The following CCDC178 variants were observed in gnomAD, a reference collection of about 807,000 sequenced individuals.
CCDC178 encodes the protein coiled-coil domain containing 178.
A neutral mutation model predicts 117.4 loss-of-function variants in CCDC178; 126 were observed. The observed-to-expected ratio is 1.07, with a 90% CI of 0.93 to 1.24. The LOEUF is 1.24. Among genes scored for constraint, CCDC178 ranks in the 50% most tolerant of loss-of-function variants. The pLI, the probability that CCDC178 is intolerant of heterozygous loss-of-function variation, is 0.00. For missense variants in CCDC178, 1,030 were observed against 986.9 expected, an observed-to-expected ratio of 1.04 and a Z score of -0.59; for synonymous variants, 283 against 313.4, an observed-to-expected ratio of 0.90 and a Z score of 1.02.
intron 21 of CCDC178, among the ~76,000 whole-genome samples, chr18:33,091,324 CTTTTTTTTTTTTTTTTT>C (rs746505005): frequency 2.3e-5 from 1 of 43,900 alleles, no homozygotes; most frequent in African/African-American, 8.0e-5. Context: ...TTATTTCATT[CTTTTTTTTTTTTTTTTT>C]TTTTTTTTTT....
chr18:33,384,505 C>T (rs779330483), intron 5 of CCDC178, among the ~76,000 whole-genome samples: 26 of 152,104 alleles, frequency 1.7e-4, no homozygotes, highest in South Asian at 4.2e-4. Flanking sequence ...TCAGACTAAC[C>T]GCGTACCTCT....
chr18:33,293,100 T>A (rs2062056907), intron 12 of CCDC178, 59 bp downstream of exon 12: 1 of 1,197,938 alleles, frequency 8.3e-7, no homozygotes. Flanking sequence ...CAAAAAAGTT[T>A]ACTATTTATA....
chr18:32,960,978 CT>C (rs2054693039), intron 22 of CCDC178, among the ~76,000 whole-genome samples: 1 of 151,942 alleles, frequency 6.6e-6, no homozygotes, highest in African/African-American at 2.4e-5. Context: ...AATCATTTTA[CT>C]TTTATTAATA....
intron 21 of CCDC178, among the ~76,000 whole-genome samples, chr18:32,987,151 AT>A (rs1384753052): frequency 1.3e-5 from 2 of 151,986 alleles, no homozygotes; most frequent in African/African-American, 4.8e-5. Flanking sequence ...GAGGTAAAAA[AT>A]ATAATTGATT....
intron 2 of CCDC178, among the ~76,000 whole-genome samples, chr18:33,439,270 G>A (rs1344263864): frequency 6.6e-6 from 1 of 152,160 alleles, no homozygotes; most frequent in African/African-American, 2.4e-5. Flanking sequence ...TATAGAACAG[G>A]AAGAAAAATT....
At chr18:33,209,055 A>G (rs2059078316) in intron 20 of CCDC178, among the ~76,000 whole-genome samples, 1 of 152,084 alleles carries the variant, frequency 6.6e-6, no homozygotes, top group African/African-American at 2.4e-5. Context: ...ATTATATCAT[A>G]TATAACCTAC....
At chr18:33,186,669 G>T (rs2058798207) in intron 20 of CCDC178, among the ~76,000 whole-genome samples, 1 of 151,892 alleles carries the variant, frequency 6.6e-6, no homozygotes, top group Admixed American at 6.6e-5. Context: ...GCGCATCCTC[G>T]TGAATCTACC....
intron 15 of CCDC178, among the ~76,000 whole-genome samples, chr18:33,234,513 T>A (rs1383821613): frequency 1.3e-5 from 2 of 152,120 alleles, no homozygotes; most frequent in Non-Finnish European, 2.9e-5. Flanking sequence ...CATAAATAAC[T>A]GAGCTTCTAA....
At chr18:32,963,173 T>C (rs751594581) in intron 22 of CCDC178, among the ~76,000 whole-genome samples, 2 of 152,064 alleles carry the variant, frequency 1.3e-5, no homozygotes, top group Admixed American at 6.6e-5. Context: ...GTTTGACACA[T>C]AGTAATGGCT....
At chr18:33,151,989 T>C (rs1182903469) in intron 20 of CCDC178, among the ~76,000 whole-genome samples, 1 of 152,146 alleles carries the variant, frequency 6.6e-6, no homozygotes, top group Non-Finnish European at 1.5e-5. Flanking sequence ...GTCTCCAAAC[T>C]AAGAGTGTGT....
chr18:33,404,420 G>T (rs1284651334), intron 3 of CCDC178, among the ~76,000 whole-genome samples: 2 of 151,818 alleles, frequency 1.3e-5, no homozygotes, highest in Non-Finnish European at 2.9e-5. Flanking sequence ...CCACTAGGAG[G>T]CTATAATAAT....
At chr18:33,198,971 G>A (rs2058963828) in intron 20 of CCDC178, among the ~76,000 whole-genome samples, 1 of 152,008 alleles carries the variant, frequency 6.6e-6, no homozygotes, top group African/African-American at 2.4e-5. Flanking sequence ...CTAGAATAGT[G>A]TATTTAATGT....
chr18:33,031,794 C>T (rs2056348683), intron 21 of CCDC178, among the ~76,000 whole-genome samples: 1 of 151,918 alleles, frequency 6.6e-6, no homozygotes, highest in Non-Finnish European at 1.5e-5. Flanking sequence ...TTCATGGCAG[C>T]ACTGTTCACG....
chr18:33,370,074 G>A lies in CCDC178; in HGVS notation c.324C>T (p.Ser108=), dbSNP rs1303203036. 4 of 1,592,906 alleles carry A rather than the reference G, an allele frequency of 2.5e-6. No individual in the cohort carries two copies. Among genetic ancestry groups the A allele is most frequent in the Non-Finnish European group, 1.7e-6 (2 of 1,171,308 alleles). ...CCCTTTTCAAATGCTCCTGTATTTTGGACTCCACATCTTGGATGTGTGAAA... is the reference window on the plus strand; with the variant it reads ...CCCTTTTCAAATGCTCCTGTATTTTAGACTCCACATCTTGGATGTGTGAAA... The part of the protein sequence containing the change: ...KMISHIQDVE[S]KIQEHLKRFE... The change falls in exon 6 of 23, where the codon TCC becomes TCT. Residue 108 remains serine (S), a synonymous_variant. Transcript: ENST00000383096.
At chr18:33,088,408 A>G (rs2057414586) in intron 21 of CCDC178, among the ~76,000 whole-genome samples, 1 of 152,146 alleles carries the variant, frequency 6.6e-6, no homozygotes, top group African/African-American at 2.4e-5. Context: ...GAGTCTTCCT[A>G]TCCATGAATA....
chr18:33,363,640 T>A (rs974281293), intron 6 of CCDC178, among the ~76,000 whole-genome samples: 1 of 152,082 alleles, frequency 6.6e-6, no homozygotes. Context: ...GATTATTCTA[T>A]CCCTTCTTCA....
chr18:33,117,239 T>C (rs2057870292), intron 20 of CCDC178, among the ~76,000 whole-genome samples: 1 of 152,098 alleles, frequency 6.6e-6, no homozygotes, highest in South Asian at 2.1e-4. Flanking sequence ...GGTAAGATGG[T>C]CCATTCAGTC....
chr18:33,205,419 G>T (rs2059035649), intron 20 of CCDC178, among the ~76,000 whole-genome samples: 1 of 151,958 alleles, frequency 6.6e-6, no homozygotes, highest in Non-Finnish European at 1.5e-5. Flanking sequence ...TATTACAAAA[G>T]AAAGCTGCCA....
At chr18:32,974,433 T>TA in intron 22 of CCDC178, 114 bp downstream of exon 22, 1 of 1,007,706 alleles carries the variant, frequency 9.9e-7, no homozygotes, top group Non-Finnish European at 1.5e-6. Flanking sequence ...TTAAAGAGGT[T>TA]AAAAATTTAT....
Sources: allele counts gnomAD v4.1 joint callset (sites outside exome capture counted in the v4.1 genomes callset), GRCh38; gene constraint gnomAD v4.1.1; transcripts MANE v1.5; gene names NCBI Gene and HGNC (gene_info 2026-07-23, HGNC 2026-07-21).